Variants in ATP5MC2 observed in about 807,000 individuals in gnomAD.
The protein encoded by ATP5MC2 is ATP synthase F(0) complex subunit C2, mitochondrial.
Under a neutral mutation model 13.5 loss-of-function variants are expected in ATP5MC2, and 11 were observed. The observed-to-expected ratio is 0.81, with a 90% CI of 0.51 to 1.35. The LOEUF (loss-of-function observed/expected upper bound fraction) is 1.35. Ranked by LOEUF, ATP5MC2 falls within the 40% of genes most tolerant of loss-of-function variation. ATP5MC2 has a pLI of 0.00. For synonymous variants in ATP5MC2, 64 were observed against 69.7 expected (o/e 0.92, Z 0.41); for missense variants, 132 against 175.0 (o/e 0.75, Z 1.39).
In ATP5MC2 at chr12:53,671,654, G is replaced by A. The variant is rs77199406; in HGVS notation, c.39+922C>T. ...ACCACTCTGGATGGCCAGCTTACAC[G>A]ACATATAGTTTCAGGAGTAGGAATA... On this transcript the variant is annotated intron_variant, in intron 2 of 4. Transcript: ENST00000394349. Among the ~76,000 whole-genome samples the A allele has an allele frequency of 5.1e-3, 775 of 152,272 alleles. 5 individuals are homozygous for A. The highest frequency in any genetic ancestry group is 0.017 in the African/African-American group (715 of 41,530).
chr12:53,670,590 T>G (rs1283871094), intron 2 of ATP5MC2, among the ~76,000 whole-genome samples: 1 of 152,084 alleles, frequency 6.6e-6, no homozygotes, highest in African/African-American at 2.4e-5. Flanking sequence ...AAGATAAAGA[T>G]TCCTAATTCG....
intron 3 of ATP5MC2, 72 bp from the exon 4 acceptor site, chr12:53,669,413 A>T: frequency 6.7e-7 from 1 of 1,488,404 alleles, no homozygotes; most frequent in East Asian, 2.4e-5. Flanking sequence ...AAACCCTTTA[A>T]GCTGCCAAAT....
chr12:53,675,036 C>T (rs926824679), intron 1 of ATP5MC2, among the ~76,000 whole-genome samples: 1 of 151,944 alleles, frequency 6.6e-6, no homozygotes, highest in South Asian at 2.1e-4. Context: ...TATAATAAAC[C>T]CACAACAAGG....
At chr12:53,677,500 G>T (rs1258371332), upstream of ATP5MC2, 3 of 152,234 alleles carry the variant, frequency 2.0e-5, no homozygotes, top group Admixed American at 1.3e-4. Flanking sequence ...ATTTATATGG[G>T]CCCGTTATTT....
At chr12:53,670,606 T>C (rs893817204) in intron 2 of ATP5MC2, among the ~76,000 whole-genome samples, 4 of 151,880 alleles carry the variant, frequency 2.6e-5, no homozygotes, top group African/African-American at 7.3e-5. Flanking sequence ...ATTCGAAGTA[T>C]GGTTTCTTTC....
intron 1 of ATP5MC2, 78 bp downstream of exon 1, chr12:53,675,975 C>T: frequency 1.3e-6 from 2 of 1,570,216 alleles, no homozygotes; most frequent in Non-Finnish European, 1.7e-6. Flanking sequence ...AAGGTAAGCG[C>T]CTCAAAGCAT....
At chr12:53,669,979 G>C (rs918240185) in intron 2 of ATP5MC2, 31 bp from the exon 3 acceptor site, 1 of 1,607,818 alleles carries the variant, frequency 6.2e-7, no homozygotes, top group African/African-American at 1.3e-5. Context: ...GGGCAGGAAG[G>C]TCAAGGAAGA....
In ATP5MC2 at chr12:53,676,048, C is replaced by T. The variant is rs1278008566; in HGVS notation, c.-32+5G>A. On this transcript the variant is annotated splice_donor_5th_base_variant and intron_variant, in intron 1 of 4. Coordinates refer to ENST00000394349, the MANE Select transcript of ATP5MC2 (RefSeq NM_005176.7). ...CACAGAGGGCTCTAGGTCCCAAGGC[C>T]TTACCTGCTCCCACTGCAGAGAAGA... 6.2e-6 allele frequency: 10 copies of T among 1,613,416 alleles called. No homozygotes were observed. The highest frequency in any genetic ancestry group is 2.2e-5 in the South Asian group (2 of 91,038).
chr12:53,677,005 T>G (rs1476325531), upstream of ATP5MC2: 2 of 152,240 alleles, frequency 1.3e-5, no homozygotes, highest in Non-Finnish European at 2.9e-5. Context: ...GCCTATCCAG[T>G]TCCAAACCCC....
At position 53,665,287 on chromosome 12, in the gene ATP5MC2, G is replaced by T. The variant is rs1944882826; in HGVS notation, c.*27C>A. On this transcript the variant is annotated 3_prime_UTR_variant, in exon 5 of 5. Coordinates refer to ENST00000394349, the MANE Select transcript of ATP5MC2 (RefSeq NM_005176.7). The stretch of plus-strand genomic sequence containing the variant: ...CACACGGGGCCAACCAGACGCGGGA[G>T]AACTATGGGAGGTGGAGACGGCTCC... 1.3e-6 allele frequency: 2 copies of T among 1,577,704 alleles called. No individual in the cohort carries two copies. The highest frequency in any genetic ancestry group is 1.7e-6 in the Non-Finnish European group (2 of 1,156,214).
intron 4 of ATP5MC2, among the ~76,000 whole-genome samples, chr12:53,666,721 T>C (rs1944923996): frequency 1.3e-5 from 2 of 148,882 alleles, no homozygotes; most frequent in Non-Finnish European, 3.0e-5. Context: ...GATTACACAG[T>C]TGCACTCCAG....
upstream of ATP5MC2, among the ~76,000 whole-genome samples, chr12:53,680,829 A>G (rs1365303770): frequency 6.6e-6 from 1 of 152,224 alleles, no homozygotes; most frequent in Non-Finnish European, 1.5e-5. Flanking sequence ...GAACAAAGCA[A>G]AACAACTTTT....
intron 4 of ATP5MC2, among the ~76,000 whole-genome samples, chr12:53,668,565 A>T (rs1945002244): frequency 6.6e-6 from 1 of 151,502 alleles, no homozygotes; most frequent in South Asian, 2.1e-4. Flanking sequence ...CTGGCCTCCC[A>T]AAGTGCTGGG....
chr12:53,669,260 C>T lies in ATP5MC2; in HGVS notation c.199G>A (p.Asp67Asn). ...RSFQTSAISRDIDTAAKFIGA... is the reference protein window; with the variant it reads ...RSFQTSAISRNIDTAAKFIGA... ...ATGAACTTGGCTGCTGTGTCGATGT[C>T]CCTTGAAATGGCGCTGGTTTGGAAG... Residue 67 changes from aspartate to asparagine, a missense_variant, in exon 4 of 5, where the codon GAC becomes AAC. Asp to Asn is a conservative substitution (Grantham distance 23). Transcript: ENST00000394349. 1.2e-6 allele frequency: 2 copies of T among 1,614,090 alleles called. No homozygotes were observed. The highest frequency in any genetic ancestry group is 2.7e-5 in the African/African-American group (2 of 75,018).
upstream of ATP5MC2, chr12:53,676,345 C>G: frequency 1.7e-6 from 2 of 1,175,282 alleles, no homozygotes; most frequent in Non-Finnish European, 2.4e-6. Context: ...TGGTCTGTAC[C>G]GCGTTTGGGA....
intron 2 of ATP5MC2, among the ~76,000 whole-genome samples, chr12:53,671,462 C>T (rs561452390): frequency 3.3e-5 from 5 of 152,300 alleles, no homozygotes; most frequent in African/African-American, 1.2e-4. Flanking sequence ...AAATTTCTTC[C>T]ATACTGTTGT....
upstream of ATP5MC2, among the ~76,000 whole-genome samples, chr12:53,680,099 C>T (rs1033052706): frequency 6.6e-6 from 1 of 152,200 alleles, no homozygotes; most frequent in Non-Finnish European, 1.5e-5. Context: ...GATCCACCTG[C>T]CTCAGCCTCA....
In ATP5MC2 at chr12:53,676,083, G is replaced by A. The variant is rs747698544; in HGVS notation, c.-62C>T. The A allele has an allele frequency of 8.1e-6, 13 of 1,614,128 alleles. 1 individual carries two copies. Among genetic ancestry groups the A allele is most frequent in the South Asian group, 6.6e-5 (6 of 91,094 alleles). ...CCCACTGCAGAGAAGACAGAGAGGG[G>A]CGGAGCAGCGGGAAGAGCGAAAGGA... On this transcript the variant is annotated 5_prime_UTR_variant, in exon 1 of 5. Transcript: ENST00000394349.
upstream of ATP5MC2, among the ~76,000 whole-genome samples, chr12:53,680,430 T>C (rs141434335): frequency 1.7e-3 from 255 of 152,342 alleles, no homozygotes; most frequent in Non-Finnish European, 3.0e-3. Context: ...AACTATAATA[T>C]GCAGCAGGAT....
Sources: allele counts gnomAD v4.1 joint callset (sites outside exome capture counted in the v4.1 genomes callset), GRCh38; gene constraint gnomAD v4.1.1; transcripts MANE v1.5; gene names NCBI Gene and HGNC (gene_info 2026-07-23, HGNC 2026-07-21).